Variants in ATRNL1 observed in about 807,000 individuals in gnomAD.
ATRNL1 encodes the protein attractin-like protein 1.
ATRNL1 carries 95 observed loss-of-function variants against 182.7 expected under a neutral mutation model. The observed-to-expected ratio is 0.52, with a 90% CI of 0.44 to 0.62. The LOEUF (loss-of-function observed/expected upper bound fraction) is 0.62, where lower values mean the gene tolerates loss of function less well. Among genes scored for constraint, ATRNL1 ranks in the 20% least tolerant of loss-of-function variants. The pLI is 0.00. For synonymous variants in ATRNL1, 576 were observed against 568.3 expected (o/e 1.01, Z -0.19); for missense variants, 1,471 against 1,679.5 (o/e 0.88, Z 2.17).
At chr10:115,705,926 G>T (rs1946882045) in intron 26 of ATRNL1, among the ~76,000 whole-genome samples, 1 of 151,920 alleles carries the variant, frequency 6.6e-6, no homozygotes, top group Admixed American at 6.6e-5. Flanking sequence ...GTCATATTTA[G>T]TATCTAATTA....
intron 19 of ATRNL1, among the ~76,000 whole-genome samples, chr10:115,360,036 G>C (rs112044511): frequency 1.6e-4 from 24 of 151,700 alleles, no homozygotes; most frequent in African/African-American, 5.5e-4. Flanking sequence ...AGATATTTGA[G>C]TAATTATTCA....
intron 25 of ATRNL1, among the ~76,000 whole-genome samples, chr10:115,532,247 C>T (rs1226123384): frequency 6.6e-6 from 1 of 152,134 alleles, no homozygotes; most frequent in East Asian, 1.9e-4. Flanking sequence ...GATATTGATT[C>T]TTCCTACCCA....
intron 21 of ATRNL1, among the ~76,000 whole-genome samples, chr10:115,438,668 T>C (rs1554965165): frequency 6.6e-6 from 1 of 152,012 alleles, no homozygotes; most frequent in African/African-American, 2.4e-5. Context: ...TTTTTTGCAC[T>C]ACGGCTGCTA....
chr10:115,879,294 ACTCT>A (rs1951769765), intron 28 of ATRNL1, among the ~76,000 whole-genome samples: 1 of 52,940 alleles, frequency 1.9e-5, no homozygotes, highest in Non-Finnish European at 3.9e-5. Flanking sequence ...GTGACGTGCA[ACTCT>A]CTATCTCAAA....
intron 26 of ATRNL1, among the ~76,000 whole-genome samples, chr10:115,723,534 GTATTTATT>G (rs112343950): frequency 0.31 from 45,376 of 148,128 alleles, 8,216 homozygotes; most frequent in Middle Eastern, 0.43. Context: ...CTTTTCTTTT[GTATTTATT>G]TATTTATTTA....
chr10:115,627,608 C>T (rs1380554908), intron 26 of ATRNL1, among the ~76,000 whole-genome samples: 24 of 152,136 alleles, frequency 1.6e-4, no homozygotes, highest in South Asian at 8.3e-4. Context: ...TCAAGTGATG[C>T]GCTCCCCTGA....
At chr10:115,584,491 T>A (rs28855223) in intron 26 of ATRNL1, among the ~76,000 whole-genome samples, 35,961 of 131,274 alleles carry the variant, frequency 0.27, 6,130 homozygotes, top group East Asian at 0.67. Flanking sequence ...AGTGTATGTA[T>A]CGAGGAATTT....
chr10:115,651,286 G>A (rs879950875), intron 26 of ATRNL1, among the ~76,000 whole-genome samples: 1 of 152,164 alleles, frequency 6.6e-6, no homozygotes, highest in Non-Finnish European at 1.5e-5. Context: ...TGGGTGATGG[G>A]ATCATTCGTA....
intron 10 of ATRNL1, among the ~76,000 whole-genome samples, chr10:115,256,117 A>G (rs112500857): frequency 2.6e-5 from 4 of 152,002 alleles, no homozygotes; most frequent in African/African-American, 4.8e-5. Flanking sequence ...TTGTGTCTCT[A>G]CCAGGCTTTG....
chr10:115,921,231 G>A (rs186013290), intron 28 of ATRNL1, among the ~76,000 whole-genome samples: 37 of 151,882 alleles, frequency 2.4e-4, no homozygotes, highest in Non-Finnish European at 4.7e-4. Flanking sequence ...TAAAAGGGGT[G>A]GTTTAAAAAG....
chr10:115,633,023 G>C (rs1386167000), intron 26 of ATRNL1, among the ~76,000 whole-genome samples: 3 of 151,978 alleles, frequency 2.0e-5, no homozygotes, highest in Non-Finnish European at 4.4e-5. Flanking sequence ...CTCCCAAGTA[G>C]CTGGGATTAC....
chr10:115,554,628 C>T (rs1225400093), intron 26 of ATRNL1, among the ~76,000 whole-genome samples: 1 of 151,650 alleles, frequency 6.6e-6, no homozygotes, highest in African/African-American at 2.4e-5. Flanking sequence ...CACACACACA[C>T]ACATACACGT....
At chr10:115,880,634 A>T (rs1289781717) in intron 28 of ATRNL1, among the ~76,000 whole-genome samples, 3 of 152,132 alleles carry the variant, frequency 2.0e-5, no homozygotes, top group Admixed American at 2.0e-4. Flanking sequence ...AAAGACAAAA[A>T]CAAAAAAGAA....
At position 115,519,299 on chromosome 10, in the gene ATRNL1, G is replaced by C; in HGVS notation, c.3691G>C (p.Val1231Leu). The change falls in exon 25 of 29, where the codon GTG (valine) becomes CTG (leucine). Residue 1231 changes from valine to leucine, a missense_variant. Physicochemically the swap from Val to Leu is conservative, Grantham distance 32. Coordinates refer to ENST00000355044, the MANE Select transcript of ATRNL1 (RefSeq NM_207303.4). Reference protein sequence around the residue: ...FSQHNTIMDLVQFFVTFFSCF... With the variant: ...FSQHNTIMDLLQFFVTFFSCF... ...ACAACACAATACAATCATGGACCTT[G>C]TGCAGTTTTTTGTCACCTTCTTCAG... 3 of 1,610,032 alleles carry C rather than the reference G, an allele frequency of 1.9e-6. No individual in the cohort carries two copies. The highest frequency in any genetic ancestry group is 1.7e-6 in the Non-Finnish European group (2 of 1,178,502).
rs535682433 is a variant in ATRNL1 at position 115,636,335 on chromosome 10, A to T, written c.3795+86799A>T. ...CACCACATCCCTATCTCACAGAGAG[A>T]CATCCTGCAGCCAGCCCTGGAAAAT... On this transcript the variant is annotated intron_variant, in intron 26 of 28. Coordinates refer to ENST00000355044, the MANE Select transcript of ATRNL1 (RefSeq NM_207303.4). Among the ~76,000 whole-genome samples, 10 of 152,280 alleles carry T rather than the reference A, an allele frequency of 6.6e-5. No individual in the cohort carries two copies. The South Asian group carries it at 2.1e-3, about 32-fold the overall frequency.
At chr10:115,215,625 T>C in intron 8 of ATRNL1, 72 bp from the exon 9 acceptor site, 1 of 1,145,172 alleles carries the variant, frequency 8.7e-7, no homozygotes, top group Non-Finnish European at 1.2e-6. Context: ...AACTTGTTGG[T>C]ATTTTGGTGA....
At chr10:115,284,714 C>T (rs895525981) in intron 14 of ATRNL1, among the ~76,000 whole-genome samples, 3 of 152,106 alleles carry the variant, frequency 2.0e-5, no homozygotes, top group Admixed American at 6.6e-5. Context: ...AGTTTTATAA[C>T]GGCTATCTGT....
At chr10:115,330,856 A>T (rs1025335193) in intron 18 of ATRNL1, among the ~76,000 whole-genome samples, 6 of 151,508 alleles carry the variant, frequency 4.0e-5, no homozygotes, top group African/African-American at 1.5e-4. Flanking sequence ...TATTTTTTTT[A>T]AATAAGCTTT....
chr10:115,187,952 T>G (rs1554889103), intron 8 of ATRNL1, among the ~76,000 whole-genome samples: 1 of 151,506 alleles, frequency 6.6e-6, no homozygotes, highest in African/African-American at 2.4e-5. Context: ...AGTGCTGGGA[T>G]TATAGGCGTG....
Sources: gnomAD v4.1 joint callset for allele counts (sites outside exome capture counted in the v4.1 genomes callset) on GRCh38, gnomAD v4.1.1 for gene constraint, MANE v1.5 for transcripts, NCBI Gene and HGNC (gene_info 2026-07-23, HGNC 2026-07-21) for gene names.